Variants in TMOD3 observed in about 807,000 individuals in gnomAD.
The protein encoded by TMOD3 is tropomodulin 3.
In TMOD3, 20 loss-of-function variants were observed where a neutral mutation model predicts 39.2. The ratio of observed to expected loss-of-function variants is 0.51; its 90% CI spans 0.36 to 0.74. TMOD3 has a LOEUF of 0.74. Ranked by LOEUF, TMOD3 falls within the 30% of genes least tolerant of loss-of-function variation. TMOD3 has a pLI of 0.00. For missense variants in TMOD3, 381 were observed against 412.8 expected (o/e 0.92, Z 0.67); for synonymous variants, 143 against 145.8 (o/e 0.98, Z 0.14).
rs1379719972 is a variant in TMOD3 at position 51,911,440 on chromosome 15, A to G, written c.*2630A>G. The stretch of plus-strand genomic sequence containing the variant: ...GAATTTACAAAATCTTTCCAAAATT[A>G]TAAGGGAGAAAAATCGGGTTTACTT... On this transcript the variant is annotated 3_prime_UTR_variant, in exon 10 of 10. Transcript: ENST00000308580. The G allele has an allele frequency of 2.6e-5, 4 of 152,202 alleles. No homozygotes were observed. The highest frequency in any genetic ancestry group is 2.0e-4 in the Admixed American group (3 of 15,282). The allele number at this position is 152,202 out of a possible 1,614,324, so 9.4% of individuals were successfully genotyped here.
At chr15:51,901,642 TTGGG>T in intron 8 of TMOD3, 1 of 404,216 alleles carries the variant, frequency 2.5e-6, no homozygotes, top group Non-Finnish European at 4.5e-6. Context: ...GTGGTGATGA[TTGGG>T]TCAATGGGTA....
chr15:51,906,646 C>T (rs371435750), intron 9 of TMOD3, among the ~76,000 whole-genome samples: 1 of 152,126 alleles, frequency 6.6e-6, no homozygotes, highest in East Asian at 1.9e-4. Flanking sequence ...CTATAACATG[C>T]ATTATAGCAT....
chr15:51,885,858 G>A (rs1175859394), intron 3 of TMOD3, among the ~76,000 whole-genome samples: 2 of 150,714 alleles, frequency 1.3e-5, no homozygotes, highest in African/African-American at 5.0e-5. Context: ...CTTCCCAGAC[G>A]GGGCGGCCGG....
chr15:51,888,662 A>T (rs1291760776), intron 4 of TMOD3, among the ~76,000 whole-genome samples: 1 of 152,208 alleles, frequency 6.6e-6, no homozygotes, highest in African/African-American at 2.4e-5. Context: ...ACACACATTA[A>T]AATATGAAGG....
chr15:51,879,941 A>T (rs965191535), intron 3 of TMOD3, among the ~76,000 whole-genome samples: 1 of 151,594 alleles, frequency 6.6e-6, no homozygotes, highest in African/African-American at 2.4e-5. Flanking sequence ...TGTGTCTATT[A>T]TGTTTCTCAT....
intron 1 of TMOD3, among the ~76,000 whole-genome samples, chr15:51,831,974 G>A (rs1285350650): frequency 6.6e-6 from 1 of 151,808 alleles, no homozygotes; most frequent in Non-Finnish European, 1.5e-5. Context: ...CTTGAACCCA[G>A]GTGTTTGAAA....
Position 51,900,313 on chromosome 15 carries a change from A to G in TMOD3, c.879+15A>G, listed in dbSNP as rs201616715. 1.6e-4 allele frequency: 266 copies of G among 1,613,582 alleles called. 1 individual carries two copies. In the African/African-American group the frequency reaches 3.0e-3, roughly 18 times the overall value. ...TTGACAATCAGGTCAATGTTCTACA[A>G]TAATAACGTCGAGGAAGCTACAGCC... On this transcript the variant is annotated intron_variant, in intron 8 of 9. Coordinates refer to ENST00000308580, the MANE Select transcript of TMOD3 (RefSeq NM_014547.5).
chr15:51,901,949 A>C lies in TMOD3; in HGVS notation c.937A>C (p.Thr313Pro). ...LEMAKMLEEN[T>P]NILKFGYQFT... ...AATGGCCAAGATGCTTGAGGAAAAT[A>C]CAAATATCCTTAAATTTGGATATCA... The change falls in exon 9 of 10, where the codon ACA becomes CCA. Residue 313 changes from threonine to proline, a missense_variant. By Grantham distance (38) the Thr-to-Pro change is conservative. Transcript: ENST00000308580. 1 of 1,614,214 alleles carries C rather than the reference A, an allele frequency of 6.2e-7. No individual in the cohort carries two copies.
intron 5 of TMOD3, 72 bp from the exon 6 acceptor site, chr15:51,893,743 C>T (rs1424867586): frequency 1.5e-5 from 20 of 1,366,242 alleles, no homozygotes; most frequent in South Asian, 2.0e-5. Flanking sequence ...CCGGCCTGGG[C>T]GAAAGTGCGA....
intron 3 of TMOD3, among the ~76,000 whole-genome samples, chr15:51,873,081 C>T (rs2056484048): frequency 6.6e-6 from 1 of 152,164 alleles, no homozygotes; most frequent in Non-Finnish European, 1.5e-5. Context: ...TGAAATCCAC[C>T]CTAGACTCTC....
In TMOD3 at chr15:51,889,045, T is replaced by C. The variant is rs751267409; in HGVS notation, c.407-11T>C. 1.9e-6 allele frequency: 3 copies of C among 1,542,222 alleles called. No homozygotes were observed. The highest frequency in any genetic ancestry group is 2.6e-6 in the Non-Finnish European group (3 of 1,140,070). On this transcript the variant is annotated splice_polypyrimidine_tract_variant and intron_variant, in intron 4 of 9. Transcript: ENST00000308580. ...TAAAACAATAAAAACTTTCTTTTTCTGTATTTATAGCAATTCTTGGGATGC... is the reference window on the plus strand; with the variant it reads ...TAAAACAATAAAAACTTTCTTTTTCCGTATTTATAGCAATTCTTGGGATGC...
intron 9 of TMOD3, among the ~76,000 whole-genome samples, chr15:51,907,619 A>G (rs1478567302): frequency 6.6e-6 from 1 of 152,208 alleles, no homozygotes; most frequent in Non-Finnish European, 1.5e-5. Flanking sequence ...GCCAAAGTAC[A>G]CACTACAGAA....
chr15:51,832,203 T>TTTTATA (rs371264278), intron 1 of TMOD3, among the ~76,000 whole-genome samples: 16 of 79,350 alleles, frequency 2.0e-4, no homozygotes, highest in Non-Finnish European at 3.8e-4. Flanking sequence ...AGAAAAAAAA[T>TTTTATA]TATATATATA....
chr15:51,859,892 T>G (rs1329516730), intron 1 of TMOD3: 1 of 538,062 alleles, frequency 1.9e-6, no homozygotes, highest in Non-Finnish European at 3.8e-6. Context: ...AAGCTTGAGT[T>G]CATGTGCCCT....
chr15:51,856,607 T>G, intron 1 of TMOD3, among the ~76,000 whole-genome samples: 1 of 16,958 alleles, frequency 5.9e-5, no homozygotes, highest in African/African-American at 2.5e-3. Context: ...ATTAAGGGCA[T>G]TTTTTTTTTT....
chr15:51,891,054 C>T (rs1242751059), intron 5 of TMOD3, among the ~76,000 whole-genome samples: 1 of 152,046 alleles, frequency 6.6e-6, no homozygotes, highest in Non-Finnish European at 1.5e-5. Context: ...AATCATGATG[C>T]CATCATCAAA....
rs558394112 is a variant in TMOD3, at chr15:51,842,347, G to T, written c.-75+12511G>T. Among the ~76,000 whole-genome samples, 227 of 152,220 alleles carry T rather than the reference G, an allele frequency of 1.5e-3. 1 individual carries two copies. Among genetic ancestry groups the T allele is most frequent in the African/African-American group, 5.3e-3 (220 of 41,516 alleles). On this transcript the variant is annotated intron_variant, in intron 1 of 9. Coordinates refer to ENST00000308580, the MANE Select transcript of TMOD3 (RefSeq NM_014547.5). ...TTTTTTAAAAAACAATTTTATCAAGGCATAATTTATATACCGTCAACTTTA... is the reference window on the plus strand; with the variant it reads ...TTTTTTAAAAAACAATTTTATCAAGTCATAATTTATATACCGTCAACTTTA...
intron 3 of TMOD3, among the ~76,000 whole-genome samples, chr15:51,887,331 G>A (rs1227428135): frequency 6.7e-6 from 1 of 150,166 alleles, no homozygotes; most frequent in African/African-American, 2.4e-5. Flanking sequence ...TATTTGTAAA[G>A]CAACTCGCAA....
In TMOD3 at chr15:51,863,009, A is replaced by G; in HGVS notation, c.125A>G (p.Glu42Gly). 5 of 1,612,578 alleles carry G rather than the reference A, an allele frequency of 3.1e-6. No individual in the cohort carries two copies. Among genetic ancestry groups the G allele is most frequent in the Non-Finnish European group, 4.2e-6 (5 of 1,179,384 alleles). ...LETVLDDLDP[E>G]NALLPAGFRQ... Reference sequence around the variant, plus strand: ...ACTGTTTTGGATGATCTTGACCCCGAGGTAGGTGCTAGGTGATGAAGAGAA... The same window carrying G: ...ACTGTTTTGGATGATCTTGACCCCGGGGTAGGTGCTAGGTGATGAAGAGAA... The change falls in exon 2 of 10, where the codon GAG becomes GGG. Residue 42 changes from glutamate to glycine, a missense_variant and splice_region_variant. Coordinates refer to ENST00000308580, the MANE Select transcript of TMOD3 (RefSeq NM_014547.5).
Sources: allele counts gnomAD v4.1 joint callset (sites outside exome capture counted in the v4.1 genomes callset), GRCh38; gene constraint gnomAD v4.1.1; transcripts MANE v1.5; gene names NCBI Gene and HGNC (gene_info 2026-07-23, HGNC 2026-07-21).